DCDC2C: variants seen among roughly 807,000 people sequenced by gnomAD.
DCDC2C encodes doublecortin domain containing 2C, also known as doublecortin domain-containing protein 2C.
DCDC2C carries 44 observed loss-of-function variants against 45.0 expected under a neutral mutation model. That is an observed-to-expected ratio of 0.98 (90% CI 0.77 to 1.26). DCDC2C has a LOEUF of 1.26. Ranked by LOEUF, DCDC2C falls within the 50% of genes most tolerant of loss-of-function variation. The pLI is 0.00. For missense variants in DCDC2C, 447 were observed against 468.9 expected (o/e 0.95, Z 0.43); for synonymous variants, 187 against 178.8 (o/e 1.05, Z -0.37).
At chr2:3,778,449 A>G (rs915567109) in intron 8 of DCDC2C, among the ~76,000 whole-genome samples, 1 of 152,168 alleles carries the variant, frequency 6.6e-6, no homozygotes, top group African/African-American at 2.4e-5. Flanking sequence ...CTGCTATGTG[A>G]GGAGTGAGGG....
chr2:3,837,502 A>G (rs1672110443), intron 10 of DCDC2C, among the ~76,000 whole-genome samples: 1 of 152,108 alleles, frequency 6.6e-6, no homozygotes, highest in South Asian at 2.1e-4. Context: ...CTATAGGTGC[A>G]CATGGTCAAG....
chr2:3,784,715 A>C (rs529761235), intron 9 of DCDC2C, among the ~76,000 whole-genome samples: 1 of 145,880 alleles, frequency 6.9e-6, no homozygotes, highest in Non-Finnish European at 1.5e-5. Context: ...GACTCATATA[A>C]CAGAAGGATG....
At chr2:3,735,354 G>A (rs1668994380) in intron 3 of DCDC2C, among the ~76,000 whole-genome samples, 1 of 151,864 alleles carries the variant, frequency 6.6e-6, no homozygotes. Flanking sequence ...ATGTTGGTGT[G>A]CTGCACCCAT....
intron 10 of DCDC2C, 93 bp downstream of exon 10, chr2:3,785,193 T>G (rs1236374734): frequency 1.8e-5 from 18 of 997,642 alleles, no homozygotes; most frequent in Non-Finnish European, 2.2e-5. Context: ...TCTTCTCAGG[T>G]GCTTTTTAGG....
At chr2:3,723,831 G>A (rs1238446844) in intron 2 of DCDC2C, among the ~76,000 whole-genome samples, 1 of 152,068 alleles carries the variant, frequency 6.6e-6, no homozygotes, top group Non-Finnish European at 1.5e-5. Flanking sequence ...AATGGGGCCG[G>A]GGTGGCACCA....
chr2:3,745,876 A>ATTT (rs200784470), intron 4 of DCDC2C, among the ~76,000 whole-genome samples: 1 of 142,154 alleles, frequency 7.0e-6, no homozygotes, highest in Non-Finnish European at 1.5e-5. Flanking sequence ...CTCATGACTA[A>ATTT]TTTTTTTTTT....
At chr2:3,754,441 A>G (rs1669628043) in intron 5 of DCDC2C, 151 bp from the exon 6 acceptor site, 1 of 667,564 alleles carries the variant, frequency 1.5e-6, no homozygotes, top group Admixed American at 3.5e-5. Flanking sequence ...AAAGCTGGGA[A>G]ATCATTGTTG....
chr2:3,749,960 T>G (rs1421382947), intron 4 of DCDC2C, among the ~76,000 whole-genome samples: 1 of 152,084 alleles, frequency 6.6e-6, no homozygotes, highest in Non-Finnish European at 1.5e-5. Flanking sequence ...GGGTGCATTT[T>G]TTACAGTTAC....
chr2:3,794,816 A>G (rs938855894), intron 10 of DCDC2C, among the ~76,000 whole-genome samples: 4 of 152,210 alleles, frequency 2.6e-5, no homozygotes, highest in Admixed American at 2.6e-4. Context: ...ATAATGCCTC[A>G]ATAAACATAC....
chr2:3,727,180 C>A (rs1003263994), intron 3 of DCDC2C, 101 bp downstream of exon 3: 2 of 929,148 alleles, frequency 2.2e-6, no homozygotes, highest in African/African-American at 3.3e-5. Context: ...CTTTCTGTCC[C>A]TCCTCCCCTC....
chr2:3,829,511 C>T (rs1671904081), intron 10 of DCDC2C, among the ~76,000 whole-genome samples: 1 of 152,108 alleles, frequency 6.6e-6, no homozygotes, highest in Non-Finnish European at 1.5e-5. Flanking sequence ...TTTTTGATCA[C>T]ATGTTCCCAG....
chr2:3,842,853 A>T (rs1170704778), intron 10 of DCDC2C, among the ~76,000 whole-genome samples: 1 of 152,116 alleles, frequency 6.6e-6, no homozygotes, highest in African/African-American at 2.4e-5. Context: ...AGGAAGCCAC[A>T]TTAGATACCC....
intron 2 of DCDC2C, among the ~76,000 whole-genome samples, chr2:3,726,762 A>G (rs1668699323): frequency 6.6e-6 from 1 of 152,030 alleles, no homozygotes; most frequent in African/African-American, 2.4e-5. Flanking sequence ...ACTTCCCTCC[A>G]TGTGCAGCGC....
At chr2:3,716,306 T>C (rs1465996590) in intron 2 of DCDC2C, among the ~76,000 whole-genome samples, 1 of 151,986 alleles carries the variant, frequency 6.6e-6, no homozygotes, top group African/African-American at 2.4e-5. Context: ...TCCAGGTGAG[T>C]GCAGGATGCT....
chr2:3,753,066 G>T (rs1199631583), intron 5 of DCDC2C, among the ~76,000 whole-genome samples, 166 bp downstream of exon 5: 1 of 152,094 alleles, frequency 6.6e-6, no homozygotes, highest in African/African-American at 2.4e-5. Flanking sequence ...AAAATGAGGC[G>T]TGGGGGAACT....
intron 10 of DCDC2C, among the ~76,000 whole-genome samples, chr2:3,845,218 A>G (rs887569842): frequency 5.3e-5 from 8 of 152,212 alleles, no homozygotes; most frequent in African/African-American, 1.9e-4. Flanking sequence ...ATTACTTACC[A>G]TAAGCAGAAC....
intron 10 of DCDC2C, among the ~76,000 whole-genome samples, chr2:3,806,917 A>G (rs1671263843): frequency 6.6e-6 from 1 of 151,904 alleles, no homozygotes; most frequent in Non-Finnish European, 1.5e-5. Flanking sequence ...TGTGATTTTC[A>G]GTTGGGTGAG....
intron 10 of DCDC2C, among the ~76,000 whole-genome samples, chr2:3,786,082 G>A (rs968826410): frequency 2.0e-5 from 3 of 152,228 alleles, no homozygotes; most frequent in African/African-American, 4.8e-5. Context: ...TAGCTGACTT[G>A]CAAAAATATT....
At chr2:3,833,947 A>T (rs1672010316) in intron 10 of DCDC2C, among the ~76,000 whole-genome samples, 1 of 152,194 alleles carries the variant, frequency 6.6e-6, no homozygotes, top group South Asian at 2.1e-4. Context: ...GACAACACCG[A>T]TTTTGAGTAC....
Sources: allele counts gnomAD v4.1 joint callset (sites outside exome capture counted in the v4.1 genomes callset), GRCh38; gene constraint gnomAD v4.1.1; transcripts MANE v1.5; gene names NCBI Gene and HGNC (gene_info 2026-07-23, HGNC 2026-07-21).